The following CHCHD6 variants were observed in gnomAD, a reference collection of about 807,000 sequenced individuals.
The protein encoded by CHCHD6 is MICOS complex subunit MIC25.
CHCHD6 carries 28 observed loss-of-function variants against 32.3 expected under a neutral mutation model. The ratio of observed to expected loss-of-function variants is 0.87; its 90% CI spans 0.64 to 1.19. CHCHD6 has a LOEUF of 1.19. CHCHD6 is among the 50% of genes most tolerant of loss of function. The pLI is 0.00. For missense variants in CHCHD6, 333 were observed against 307.0 expected, an observed-to-expected ratio of 1.08 and a Z score of -0.63; for synonymous variants, 122 against 117.5, an observed-to-expected ratio of 1.04 and a Z score of -0.25.
At chr3:126,768,502 A>G (rs192725217) in intron 4 of CHCHD6, among the ~76,000 whole-genome samples, 1 of 152,322 alleles carries the variant, frequency 6.6e-6, no homozygotes, top group East Asian at 1.9e-4. Context: ...GTATTTCTTT[A>G]TAGCTGTGCA....
chr3:126,908,855 G>T (rs1048561383), intron 5 of CHCHD6, among the ~76,000 whole-genome samples: 1 of 152,212 alleles, frequency 6.6e-6, no homozygotes, highest in Non-Finnish European at 1.5e-5. Context: ...TGTCATTGTT[G>T]TCATTTTACA....
chr3:126,852,623 T>A, intron 4 of CHCHD6, 24 bp from the exon 5 acceptor site: 1 of 1,597,852 alleles, frequency 6.3e-7, no homozygotes, highest in Non-Finnish European at 8.6e-7. Context: ...CTGGCTAACG[T>A]GGGCTTTGTT....
intron 6 of CHCHD6, among the ~76,000 whole-genome samples, chr3:126,933,984 T>C (rs2078441899): frequency 6.6e-6 from 1 of 152,214 alleles, no homozygotes; most frequent in Non-Finnish European, 1.5e-5. Context: ...CCAGAGAGCT[T>C]GCCCGTTCTG....
At chr3:126,947,118 G>A (rs2078650611) in intron 6 of CHCHD6, among the ~76,000 whole-genome samples, 1 of 152,262 alleles carries the variant, frequency 6.6e-6, no homozygotes, top group African/African-American at 2.4e-5. Flanking sequence ...CTGGGAGCTG[G>A]AGTGCCCGCC....
At chr3:126,760,010 G>A (rs1937103986) in intron 4 of CHCHD6, among the ~76,000 whole-genome samples, 1 of 152,080 alleles carries the variant, frequency 6.6e-6, no homozygotes, top group African/African-American at 2.4e-5. Context: ...GACTGGGGAG[G>A]TGCCACATAC....
At chr3:126,743,930 A>G (rs1936388729) in intron 4 of CHCHD6, among the ~76,000 whole-genome samples, 1 of 152,156 alleles carries the variant, frequency 6.6e-6, no homozygotes, top group South Asian at 2.1e-4. Context: ...CCTGGCTCGC[A>G]TCAGATGGTA....
At chr3:126,779,389 T>G (rs1242280558) in intron 4 of CHCHD6, among the ~76,000 whole-genome samples, 1 of 152,012 alleles carries the variant, frequency 6.6e-6, no homozygotes, top group Non-Finnish European at 1.5e-5. Flanking sequence ...ATACAAAAAT[T>G]AGCTGGGCAT....
intron 5 of CHCHD6, among the ~76,000 whole-genome samples, chr3:126,861,616 T>A (rs1461013020): frequency 1.3e-5 from 2 of 149,816 alleles, no homozygotes; most frequent in African/African-American, 4.9e-5. Flanking sequence ...CACCTCCTCC[T>A]CCACCATCAC....
chr3:126,754,317 G>GCCTA (rs1233326614), intron 4 of CHCHD6, among the ~76,000 whole-genome samples: 2 of 152,188 alleles, frequency 1.3e-5, no homozygotes, highest in East Asian at 3.9e-4. Context: ...TCTTCAGAGT[G>GCCTA]CCTAGCTCAG....
chr3:126,844,324 G>T (rs1414620869), intron 4 of CHCHD6, among the ~76,000 whole-genome samples: 1 of 152,118 alleles, frequency 6.6e-6, no homozygotes, highest in Non-Finnish European at 1.5e-5. Flanking sequence ...CAAAGTATTT[G>T]ACTGTGATTG....
chr3:126,769,363 C>T (rs773317224), intron 4 of CHCHD6, among the ~76,000 whole-genome samples: 85 of 152,178 alleles, frequency 5.6e-4, no homozygotes, highest in African/African-American at 1.4e-3. Context: ...TATTCTGTTC[C>T]GTTGGTCTGT....
At chr3:126,791,406 G>A (rs1363477455) in intron 4 of CHCHD6, among the ~76,000 whole-genome samples, 1 of 152,216 alleles carries the variant, frequency 6.6e-6, no homozygotes, top group East Asian at 1.9e-4. Context: ...GTTCGGCTAT[G>A]CCCTGCCCCC....
intron 5 of CHCHD6, among the ~76,000 whole-genome samples, chr3:126,875,604 T>C (rs528764989): frequency 6.6e-6 from 1 of 152,348 alleles, no homozygotes; most frequent in Non-Finnish European, 1.5e-5. Context: ...AGGCTTCTGG[T>C]GAGGGTTCTT....
intron 4 of CHCHD6, among the ~76,000 whole-genome samples, chr3:126,804,917 A>G (rs1939285929): frequency 6.6e-6 from 1 of 152,140 alleles, no homozygotes; most frequent in South Asian, 2.1e-4. Context: ...AATAAATGTA[A>G]TCCAGCATAT....
chr3:126,957,351 A>C, intron 6 of CHCHD6, 65 bp from the exon 7 acceptor site: 1 of 1,565,934 alleles, frequency 6.4e-7, no homozygotes, highest in Non-Finnish European at 8.7e-7. Flanking sequence ...AGTGAATGTG[A>C]GTTGTTTCTC....
intron 2 of CHCHD6, among the ~76,000 whole-genome samples, chr3:126,730,342 G>A (rs140124540): frequency 5.9e-5 from 9 of 152,266 alleles, no homozygotes; most frequent in African/African-American, 1.4e-4. Flanking sequence ...AGACCCCTTC[G>A]GGATAAGAGG....
At chr3:126,886,826 G>A (rs1449557521) in intron 5 of CHCHD6, among the ~76,000 whole-genome samples, 2 of 152,134 alleles carry the variant, frequency 1.3e-5, no homozygotes, top group African/African-American at 4.8e-5. Context: ...TCCCAGGCCA[G>A]TGCCCCTGTC....
At chr3:126,801,186 A>G (rs1341397981) in intron 4 of CHCHD6, among the ~76,000 whole-genome samples, 2 of 152,200 alleles carry the variant, frequency 1.3e-5, no homozygotes, top group Non-Finnish European at 2.9e-5. Flanking sequence ...GGTTCATCTT[A>G]CTAGGGGGTG....
In CHCHD6 at chr3:126,839,266, G is replaced by A. The variant is rs370366206; in HGVS notation, c.412-13381G>A. Among the ~76,000 whole-genome samples, 7 of 152,208 alleles carry A rather than the reference G, an allele frequency of 4.6e-5. No homozygotes were observed. In the East Asian group the frequency reaches 5.8e-4, roughly 13 times the overall value. ...AACACAATTTAGCCCCTAGCCTCCAGCCTCCAGGAATTTATGGTTTAGGAA... is the reference window on the plus strand; with the variant it reads ...AACACAATTTAGCCCCTAGCCTCCAACCTCCAGGAATTTATGGTTTAGGAA... On this transcript the variant is annotated intron_variant, in intron 4 of 7. Transcript: ENST00000290913.
Sources: gnomAD v4.1 joint callset for allele counts (sites outside exome capture counted in the v4.1 genomes callset) on GRCh38, gnomAD v4.1.1 for gene constraint, MANE v1.5 for transcripts, NCBI Gene and HGNC (gene_info 2026-07-23, HGNC 2026-07-21) for gene names.